The following HS1BP3 variants were observed in gnomAD, a reference collection of about 807,000 sequenced individuals.
HS1BP3 encodes HCLS1-binding protein 3.
In HS1BP3, 32 loss-of-function variants were observed where a neutral mutation model predicts 33.5. The ratio of observed to expected loss-of-function variants is 0.95; its 90% confidence interval spans 0.72 to 1.28. The LOEUF (loss-of-function observed/expected upper bound fraction) is 1.28, where lower values mean the gene tolerates loss of function less well. Among genes scored for constraint, HS1BP3 ranks in the 50% most tolerant of loss-of-function variants. HS1BP3 has a pLI of 0.00. For missense variants in HS1BP3, 486 were observed against 502.3 expected, an observed-to-expected ratio of 0.97 and a Z score of 0.31; for synonymous variants, 187 against 209.2, an observed-to-expected ratio of 0.89 and a Z score of 0.92.
intron 6 of HS1BP3, chr2:20,622,507 C>A: frequency 2.7e-6 from 1 of 367,052 alleles, no homozygotes; most frequent in Admixed American, 3.5e-5. Context: ...TGGTGCTGGC[C>A]CGCGCACTAC....
intron 1 of HS1BP3, among the ~76,000 whole-genome samples, chr2:20,646,928 C>T (rs1052231584): frequency 6.6e-6 from 1 of 152,234 alleles, no homozygotes; most frequent in African/African-American, 2.4e-5. Context: ...AAGTGCCTGC[C>T]CAGGTCTCAC....
At chr2:20,592,287 C>T (rs1693833994), downstream of HS1BP3, 1 of 157,620 alleles carries the variant, frequency 6.3e-6, no homozygotes. Flanking sequence ...CGCCACAACC[C>T]CTGGATTTCC....
chr2:20,624,055 G>A (rs766305966), intron 5 of HS1BP3, 24 bp from the exon 6 acceptor site: 11 of 1,609,050 alleles, frequency 6.8e-6, no homozygotes, highest in Non-Finnish European at 9.3e-6. Flanking sequence ...GCAGCAGGGG[G>A]GTCAGAGGAA....
chr2:20,574,750 C>A (rs1313505646), intron 5 of HS1BP3, among the ~76,000 whole-genome samples: 1 of 152,242 alleles, frequency 6.6e-6, no homozygotes, highest in Non-Finnish European at 1.5e-5. Flanking sequence ...CTGGACACCT[C>A]ACAGGGGTCT....
chr2:20,601,770 CTTTTT>C lies in HS1BP3; in HGVS notation c.179-3510_179-3506del, dbSNP rs35644786. Among the ~76,000 whole-genome samples the C allele has an allele frequency of 3.5e-4, 24 of 69,146 alleles. No homozygotes were observed. The South Asian group carries it at 6.2e-3, about 18-fold the overall frequency. 45.4% of individuals were successfully genotyped at this position (69,146 alleles called of 152,430 possible). A position where few individuals can be genotyped will look rare whatever the true frequency, so the allele number is the denominator to read the frequency against. On this transcript the variant is annotated intron_variant, in intron 2 of 3. Transcript: ENST00000415264. Reference sequence around the variant, plus strand: ...ATCACCCAGTTTTCAAGTGTGTCTTCTTTTTTTTTTTTTTTTTTTTTTTTTTGAGA... The same window carrying C: ...ATCACCCAGTTTTCAAGTGTGTCTTCTTTTTTTTTTTTTTTTTTTTTGAGA...
At chr2:20,630,923 A>C (rs938232695) in intron 4 of HS1BP3, among the ~76,000 whole-genome samples, 1 of 152,184 alleles carries the variant, frequency 6.6e-6, no homozygotes, top group Non-Finnish European at 1.5e-5. Flanking sequence ...GGCCACCTCC[A>C]GTGGGGCCTG....
chr2:20,624,174 C>T (rs1433746511), intron 5 of HS1BP3, 143 bp from the exon 6 acceptor site: 22 of 1,083,534 alleles, frequency 2.0e-5, no homozygotes, highest in Non-Finnish European at 2.8e-5. Context: ...ATAACTGGTG[C>T]TGCTTTGTAA....
chr2:20,578,460 A>G (rs1319231610), intron 5 of HS1BP3, among the ~76,000 whole-genome samples: 2 of 152,220 alleles, frequency 1.3e-5, no homozygotes, highest in Non-Finnish European at 2.9e-5. Flanking sequence ...TGATGACACC[A>G]TCTTTGGCCC....
At chr2:20,575,369 A>G (rs1693374025) in intron 5 of HS1BP3, among the ~76,000 whole-genome samples, 1 of 152,236 alleles carries the variant, frequency 6.6e-6, no homozygotes, top group African/African-American at 2.4e-5. Flanking sequence ...GCCCTAGTCC[A>G]AAGCCTCCTG....
chr2:20,561,663 G>A (rs543967416), intron 5 of HS1BP3, among the ~76,000 whole-genome samples: 26 of 152,224 alleles, frequency 1.7e-4, no homozygotes, highest in African/African-American at 2.9e-4. Flanking sequence ...CTGCCCCTCC[G>A]TCTCAAAATG....
Position 20,599,698 on chromosome 2 carries a change from A to G in HS1BP3, c.179-1433T>C, listed in dbSNP as rs573275265. ...CTGACTTTAAAAGCTTACAGTAAAA[A>G]TAACAATTGTTTTACAAGAGACTCC... On this transcript the variant is annotated intron_variant, in intron 2 of 3. Transcript: ENST00000415264. Among the ~76,000 whole-genome samples, 131 of 152,084 alleles carry G rather than the reference A, an allele frequency of 8.6e-4. 2 individuals are homozygous for G. Among genetic ancestry groups the G allele is most frequent in the African/African-American group, 3.1e-3 (127 of 41,482 alleles).
rs1694728322 is a variant in HS1BP3, at chr2:20,624,901, TCA to T, written c.624-11_624-10del. 2 of 1,613,150 alleles carry T rather than the reference TCA, an allele frequency of 1.2e-6. No individual in the cohort carries two copies. Among genetic ancestry groups the T allele is most frequent in the South Asian group, 2.2e-5 (2 of 91,070 alleles). On this transcript the variant is annotated splice_polypyrimidine_tract_variant and intron_variant, in intron 4 of 6. Coordinates refer to ENST00000304031, the MANE Select transcript of HS1BP3 (RefSeq NM_022460.4). ...TCTTGGGCTTCTTGGAGCTGGAGAATCACAGACAAAGCACAAGGTGAGGATTT... is the reference window on the plus strand; with the variant it reads ...TCTTGGGCTTCTTGGAGCTGGAGAATCAGACAAAGCACAAGGTGAGGATTT...
chr2:20,587,069 T>C (rs1318852486), intron 5 of HS1BP3, among the ~76,000 whole-genome samples: 45 of 152,212 alleles, frequency 3.0e-4, no homozygotes, highest in Admixed American at 2.9e-3. Flanking sequence ...CTTGAAATTT[T>C]CTCTGAGGAA....
chr2:20,607,142 G>A (rs1694207249), intron 2 of HS1BP3, among the ~76,000 whole-genome samples: 1 of 145,052 alleles, frequency 6.9e-6, no homozygotes, highest in Non-Finnish European at 1.5e-5. Flanking sequence ...TATGGTATGA[G>A]GTAGGGTGCA....
At chr2:20,570,422 A>C (rs1003803968) in intron 5 of HS1BP3, among the ~76,000 whole-genome samples, 3 of 152,162 alleles carry the variant, frequency 2.0e-5, no homozygotes, top group Admixed American at 2.0e-4. Context: ...GCTGCGGCTG[A>C]GCCCTAGGGC....
At chr2:20,628,045 C>T (rs533823655) in intron 4 of HS1BP3, among the ~76,000 whole-genome samples, 5 of 152,156 alleles carry the variant, frequency 3.3e-5, no homozygotes, top group African/African-American at 1.2e-4. Flanking sequence ...GCTCCCAACC[C>T]CAGTCTCAGA....
At chr2:20,608,088 G>A (rs1694236815) in intron 2 of HS1BP3, among the ~76,000 whole-genome samples, 1 of 151,968 alleles carries the variant, frequency 6.6e-6, no homozygotes, top group Non-Finnish European at 1.5e-5. Flanking sequence ...TGTTAATATT[G>A]TATCCTTCAA....
chr2:20,600,473 A>G (rs1694048740), intron 2 of HS1BP3, among the ~76,000 whole-genome samples: 1 of 152,226 alleles, frequency 6.6e-6, no homozygotes, highest in Non-Finnish European at 1.5e-5. Flanking sequence ...TGGGTCCAGC[A>G]TCAGCCACAA....
chr2:20,584,638 G>A (rs909821338), intron 5 of HS1BP3, among the ~76,000 whole-genome samples: 1 of 151,794 alleles, frequency 6.6e-6, no homozygotes, highest in Non-Finnish European at 1.5e-5. Flanking sequence ...GGGCTTCTTG[G>A]TTTGGTCCGC....
Sources: allele counts gnomAD v4.1 joint callset (sites outside exome capture counted in the v4.1 genomes callset), GRCh38; gene constraint gnomAD v4.1.1; transcripts MANE v1.5; gene names NCBI Gene and HGNC (gene_info 2026-07-23, HGNC 2026-07-21).